Variants in PHF19 observed in about 807,000 individuals in gnomAD.
PHF19 encodes PHD finger protein 19.
A neutral mutation model predicts 79.8 loss-of-function variants in PHF19; 21 were observed. The observed-to-expected ratio is 0.26, with a 90% confidence interval of 0.19 to 0.38. The LOEUF (loss-of-function observed/expected upper bound fraction) is 0.38. Among genes scored for constraint, PHF19 ranks in the 10% least tolerant of loss-of-function variants. The pLI, the probability that PHF19 is intolerant of heterozygous loss-of-function variation, is 1.00. For missense variants in PHF19, 445 were observed against 744.2 expected, an observed-to-expected ratio of 0.60 and a Z score of 4.68; for synonymous variants, 273 against 296.3, an observed-to-expected ratio of 0.92 and a Z score of 0.81.
chr9:120,885,869 G>GTGAC (rs1407513612), intron 1 of PHF19, among the ~76,000 whole-genome samples: 1 of 152,210 alleles, frequency 6.6e-6, no homozygotes, highest in Non-Finnish European at 1.5e-5. Flanking sequence ...GAATACCTAA[G>GTGAC]TGACCTTCAG....
chr9:120,869,500 T>G lies in PHF19; in HGVS notation c.466-170A>C, dbSNP rs905231335. On this transcript the variant is annotated intron_variant, in intron 5 of 14. Transcript: ENST00000373896. The surrounding 1 kb of genome is among the most constrained non-coding windows in gnomAD (Gnocchi z 5.8). ...TCTCATTAATTCCAAACCCATCCCC[T>G]CTATCCCAGAAGGAACTCCGTTGAT... The G allele has an allele frequency of 7.4e-6, 10 of 1,355,274 alleles. No homozygotes were observed. The Middle Eastern group carries it at 5.9e-4, about 80-fold the overall frequency. The allele number at this position is 1,355,274 out of a possible 1,614,324, so 84.0% of individuals were successfully genotyped here.
intron 6 of PHF19, chr9:120,868,281 C>CT (rs1332718219): frequency 1.0e-4 from 15 of 149,244 alleles, no homozygotes; most frequent in Middle Eastern, 3.4e-3. Context: ...TCCACTGACT[C>CT]TGACTGTGAA....
Position 120,883,323 on chromosome 9 carries a change from C to CA in PHF19, c.43-8568dup, listed in dbSNP as rs532099208. Among the ~76,000 whole-genome samples the CA allele has an allele frequency of 1.5e-3, 235 of 152,306 alleles. 1 individual carries two copies. The highest frequency in any genetic ancestry group is 1.9e-3 in the Non-Finnish European group (129 of 68,026). On this transcript the variant is annotated intron_variant, in intron 1 of 14. Coordinates refer to the PHF19 transcript ENST00000616568. ...TCCCTTGTCTAAATTTTAGTCTCCC[C>CA]ATCTGTTAAAGATAAAGTGGTGGTT...
the PHF19 span, among the ~76,000 whole-genome samples, chr9:120,901,260 T>C: frequency 6.6e-6 from 1 of 151,964 alleles, no homozygotes; most frequent in South Asian, 2.1e-4. Context: ...TGGTGCGACC[T>C]CAGCTCACTG....
At chr9:120,901,208 T>C in the PHF19 span, among the ~76,000 whole-genome samples, 1 of 140,860 alleles carries the variant, frequency 7.1e-6, no homozygotes, top group Non-Finnish European at 1.6e-5. Context: ...TTTTTTGTTG[T>C]TTGAGACAGA....
chr9:120,895,307 C>T (rs1395456378), upstream of PHF19, among the ~76,000 whole-genome samples: 2 of 151,918 alleles, frequency 1.3e-5, no homozygotes, highest in African/African-American at 2.4e-5. Flanking sequence ...CCCCTTAATC[C>T]CGGGCATGGG....
At chr9:120,894,595 A>G (rs966824480) in intron 1 of PHF19, among the ~76,000 whole-genome samples, 1 of 151,852 alleles carries the variant, frequency 6.6e-6, no homozygotes, top group Non-Finnish European at 1.5e-5. Context: ...TAGGGCGCGC[A>G]GGCCCCGGCT....
the PHF19 span, among the ~76,000 whole-genome samples, chr9:120,902,104 C>T: frequency 9.2e-5 from 14 of 152,324 alleles, no homozygotes; most frequent in South Asian, 2.1e-4. Context: ...TTCCCTGCCA[C>T]GTGCCCCCGA....
Position 120,866,756 on chromosome 9 carries a change from G to A in PHF19, c.710+114C>T, listed in dbSNP as rs2045715099. The A allele has an allele frequency of 1.5e-6, 1 of 685,742 alleles. No homozygotes were observed. The highest frequency in any genetic ancestry group is 2.6e-5 in the East Asian group (1 of 38,972). The allele number at this position is 685,742 out of a possible 1,614,324, so 42.5% of individuals were successfully genotyped here. ...TCCAGTAAACAGGTAGGCATACATTGTCACAGACCTCCTCTTGTCTGGAGC... is the reference window on the plus strand; with the variant it reads ...TCCAGTAAACAGGTAGGCATACATTATCACAGACCTCCTCTTGTCTGGAGC... On this transcript the variant is annotated intron_variant, in intron 7 of 14. Transcript: ENST00000373896. The surrounding 1 kb of genome is among the most constrained non-coding windows in gnomAD (Gnocchi z 5.2).
At chr9:120,897,843 G>C (rs2046414578), upstream of PHF19, among the ~76,000 whole-genome samples, 1 of 151,842 alleles carries the variant, frequency 6.6e-6, no homozygotes, top group East Asian at 1.9e-4. Context: ...GCCGGGTGTG[G>C]TGGTGGGCCC....
upstream of PHF19, among the ~76,000 whole-genome samples, chr9:120,877,579 G>A (rs948390245): frequency 6.6e-6 from 1 of 152,134 alleles, no homozygotes; most frequent in Admixed American, 6.5e-5. Context: ...TCGCACACTT[G>A]TTGAGGAAAC....
chr9:120,881,715 A>G (rs2046188036), upstream of PHF19, among the ~76,000 whole-genome samples: 1 of 152,112 alleles, frequency 6.6e-6, no homozygotes, highest in African/African-American at 2.4e-5. Context: ...CAGGGTGGTT[A>G]CAGTGCACAG....
chr9:120,891,199 G>C lies in PHF19; in HGVS notation c.42+3589C>G, dbSNP rs10117059. Among the ~76,000 whole-genome samples the C allele has an allele frequency of 0.69, 104,068 of 151,890 alleles. 35,913 individuals carry two copies. Among genetic ancestry groups the C allele is most frequent in the Middle Eastern group, 0.8 (235 of 294 alleles). On this transcript the variant is annotated intron_variant, in intron 1 of 14. Transcript: ENST00000616568. This position sits in a 1 kb window ranked among gnomAD's most constrained non-coding sequence, Gnocchi z 4.3. The stretch of plus-strand genomic sequence containing the variant: ...AGCGCCTGGGTTTCTGCTCATCACA[G>C]TTAGTGTAAGGATCCATTTACTCAT...
At position 120,869,689 on chromosome 9, in the gene PHF19, C is replaced by A; in HGVS notation, c.465+156G>T. On this transcript the variant is annotated intron_variant, in intron 5 of 14. Coordinates refer to ENST00000373896, the MANE Select transcript of PHF19 (RefSeq NM_015651.3). This position sits in a 1 kb window ranked among gnomAD's most constrained non-coding sequence, Gnocchi z 5.8. ...AGGAAACTGAGGCTCAGGGAGTCTA[C>A]AAATCCTGGCCAAGGACAGTGGCAG... is the stretch of plus-strand genomic sequence containing the variant. The A allele has an allele frequency of 6.4e-7, 1 of 1,552,176 alleles. No individual in the cohort carries two copies. Among genetic ancestry groups the A allele is most frequent in the Non-Finnish European group, 8.7e-7 (1 of 1,147,100 alleles).
At chr9:120,889,657 A>C (rs559474092) in intron 1 of PHF19, among the ~76,000 whole-genome samples, 4 of 151,972 alleles carry the variant, frequency 2.6e-5, no homozygotes, top group Admixed American at 2.6e-4. Flanking sequence ...GGGAGGATCA[A>C]TTGAGCCTGG....
At chr9:120,879,494 T>G (rs1407626933), upstream of PHF19, among the ~76,000 whole-genome samples, 1 of 152,178 alleles carries the variant, frequency 6.6e-6, no homozygotes, top group Non-Finnish European at 1.5e-5. Context: ...CATGTTTCTT[T>G]ATCGGTTGAA....
rs1274390104 is a variant in PHF19 at position 120,857,469 on chromosome 9, T to G, written c.*475A>C. ...TCCTCTTATCCACCTTCTCCCATGC[T>G]CTCTCAAAGGTGCCTGTTATGTAGT... On this transcript the variant is annotated 3_prime_UTR_variant, in exon 15 of 15. Coordinates refer to ENST00000373896, the MANE Select transcript of PHF19 (RefSeq NM_015651.3). The G allele has an allele frequency of 6.4e-6, 1 of 155,638 alleles. No individual in the cohort carries two copies. Among genetic ancestry groups the G allele is most frequent in the African/African-American group, 2.4e-5 (1 of 41,550 alleles). The allele number at this position is 155,638 out of a possible 1,614,324, so 9.6% of individuals were successfully genotyped here.
Position 120,869,633 on chromosome 9 carries a change from C to G in PHF19, c.465+212G>C. 6.6e-7 allele frequency: 1 copy of G among 1,526,066 alleles called. No homozygotes were observed. The highest frequency in any genetic ancestry group is 1.2e-5 in the South Asian group (1 of 82,534). 94.5% of individuals were successfully genotyped at this position (1,526,066 alleles called of 1,614,324 possible). ...CATCATTTATTGGTCCCGTTATTCC[C>G]GACACCAAACCCATCTCCACTTTAC... On this transcript the variant is annotated intron_variant, in intron 5 of 14. Transcript: ENST00000373896. The surrounding 1 kb of genome is among the most constrained non-coding windows in gnomAD (Gnocchi z 5.8).
chr9:120,866,079 CAGA>C lies in PHF19; in HGVS notation c.725_727del (p.Phe242del). On this transcript the variant is annotated inframe_deletion, in exon 8 of 15. Transcript: ENST00000373896. This position sits in a 1 kb window ranked among gnomAD's most constrained non-coding sequence, Gnocchi z 5.2. ...CTCTGGGCCCTGGTTACACACGGAG[CAGA>C]AGAACAGGTAAAACCTGTGGGTGGG... 1 of 1,613,902 alleles carries C rather than the reference CAGA, an allele frequency of 6.2e-7. No homozygotes were observed. Among genetic ancestry groups the C allele is most frequent in the Non-Finnish European group, 8.5e-7 (1 of 1,179,886 alleles).
Sources: gnomAD v4.1 joint callset for allele counts (sites outside exome capture counted in the v4.1 genomes callset) on GRCh38, gnomAD v4.1.1 for gene constraint, Gnocchi (gnomAD v3.1) non-coding constraint, MANE v1.5 for transcripts, NCBI Gene and HGNC (gene_info 2026-07-23, HGNC 2026-07-21) for gene names.